Variants in DCAF6 observed in about 807,000 individuals in gnomAD.
DCAF6 encodes the protein DDB1 and CUL4 associated factor 6, also known as DDB1- and CUL4-associated factor 6.
In DCAF6, 54 loss-of-function variants were observed where a neutral mutation model predicts 125.1. The ratio of observed to expected loss-of-function variants is 0.43; its 90% CI spans 0.35 to 0.54. The LOEUF is 0.54. DCAF6 is among the 20% of genes least tolerant of loss of function. The probability of loss-of-function intolerance (pLI) is 0.01; values close to 1 mark genes in which losing one functional copy is unlikely to be tolerated. For synonymous variants in DCAF6, 371 were observed against 390.4 expected, an observed-to-expected ratio of 0.95 and a Z score of 0.58; for missense variants, 934 against 1,161.7, an observed-to-expected ratio of 0.80 and a Z score of 2.85.
chr1:167,987,501 A>G lies in DCAF6; in HGVS notation c.445A>G (p.Thr149Ala), dbSNP rs1008583299. 8 of 1,542,362 alleles carry G rather than the reference A, an allele frequency of 5.2e-6. No homozygotes were observed. Among genetic ancestry groups the G allele is most frequent in the African/African-American group, 1.4e-5 (1 of 73,590 alleles). ...CHYGTTYEIM[T>A]VPNDPYTFLS... ...CTTTTCTTTTCATCTTCAGATTATG[A>G]CTGTACCCAATGACCCTTACACTTT... Residue 149 changes from threonine (T) to alanine (A), a missense_variant, in exon 5 of 22, where the codon ACT becomes GCT. Thr to Ala is a moderately conservative substitution (Grantham distance 58). Coordinates refer to ENST00000367840, the MANE Select transcript of DCAF6 (RefSeq NM_001198956.2).
chr1:167,961,893 T>C (rs1373498252), intron 2 of DCAF6, among the ~76,000 whole-genome samples: 1 of 152,260 alleles, frequency 6.6e-6, no homozygotes, highest in African/African-American at 2.4e-5. Flanking sequence ...TCACAGATTT[T>C]AATTAGTCTT....
rs983496723 is a variant in DCAF6 at position 168,044,764 on chromosome 1, T to C, written c.1930+93T>C. The C allele has an allele frequency of 3.6e-6, 5 of 1,403,772 alleles. No individual in the cohort carries two copies. In the African/African-American group the frequency reaches 7.2e-5, roughly 20 times the overall value. The allele number at this position is 1,403,772 out of a possible 1,614,324, so 87.0% of individuals were successfully genotyped here. On this transcript the variant is annotated intron_variant, in intron 15 of 21. Coordinates refer to ENST00000367840, the MANE Select transcript of DCAF6 (RefSeq NM_001198956.2). ...TCTATAGTTAGAGGCCATGTTCAAGTGTATTGTGGAAGTTTCCTCCCCTTA... is the reference window on the plus strand; with the variant it reads ...TCTATAGTTAGAGGCCATGTTCAAGCGTATTGTGGAAGTTTCCTCCCCTTA...
rs1439253128 is a variant in DCAF6 at position 167,987,523 on chromosome 1, C to T, written c.467C>T (p.Thr156Ile). ...ATGACTGTACCCAATGACCCTTACA[C>T]TTTTCTCTCTTGTGGTGAAGATGGA... is the stretch of plus-strand genomic sequence containing the variant. ...EIMTVPNDPY[T>I]FLSCGEDGTV... The change falls in exon 5 of 22, where the codon ACT (threonine) becomes ATT (isoleucine). Residue 156 changes from threonine (T) to isoleucine (I), a missense_variant. Thr to Ile is a moderately conservative substitution (Grantham distance 89). Around this residue, in one of 5 missense-constraint regions of DCAF6, gnomAD observed 309 missense variants for 381.2 expected, o/e 0.81. Coordinates refer to ENST00000367840, the MANE Select transcript of DCAF6 (RefSeq NM_001198956.2). The T allele has an allele frequency of 6.2e-7, 1 of 1,602,340 alleles. No homozygotes were observed. The highest frequency in any genetic ancestry group is 2.2e-5 in the East Asian group (1 of 44,718).
chr1:168,016,120 CAG>C (rs1684945721), intron 11 of DCAF6, among the ~76,000 whole-genome samples, 169 bp downstream of exon 11: 1 of 152,154 alleles, frequency 6.6e-6, no homozygotes, highest in South Asian at 2.1e-4. Context: ...GTTAGGGGGA[CAG>C]ATTGGCAGCA....
the DCAF6 span, among the ~76,000 whole-genome samples, chr1:167,886,070 A>T: frequency 6.6e-6 from 1 of 152,228 alleles, no homozygotes; most frequent in Admixed American, 6.5e-5. Context: ...ATGGAAGAAC[A>T]TTCCATGCTC....
intron 1 of DCAF6, among the ~76,000 whole-genome samples, chr1:167,944,241 A>G (rs1211051040): frequency 6.6e-6 from 1 of 152,156 alleles, no homozygotes; most frequent in Non-Finnish European, 1.5e-5. Flanking sequence ...GGTTGATTCC[A>G]TATCTTTGCT....
chr1:167,949,569 C>T (rs1673606927), intron 1 of DCAF6, among the ~76,000 whole-genome samples: 1 of 152,202 alleles, frequency 6.6e-6, no homozygotes, highest in Non-Finnish European at 1.5e-5. Flanking sequence ...TCTATCCAGG[C>T]ATCTTCAAGT....
chr1:167,943,113 G>C (rs1283180330), intron 1 of DCAF6, among the ~76,000 whole-genome samples: 4 of 152,108 alleles, frequency 2.6e-5, no homozygotes, highest in Admixed American at 6.6e-5. Context: ...GTTTCACCGC[G>C]TTAGCCAGGA....
At chr1:168,046,172 A>C (rs1201636921) in intron 16 of DCAF6, among the ~76,000 whole-genome samples, 1 of 151,980 alleles carries the variant, frequency 6.6e-6, no homozygotes, top group Non-Finnish European at 1.5e-5. Context: ...TTACTTAATG[A>C]CTCTTAAAGA....
chr1:167,916,090 GT>G, the DCAF6 span, among the ~76,000 whole-genome samples: 1 of 152,222 alleles, frequency 6.6e-6, no homozygotes, highest in Non-Finnish European at 1.5e-5. Flanking sequence ...ACGGAGTTCA[GT>G]AACTGCATTG....
chr1:168,059,413 T>C (rs1691304855), intron 17 of DCAF6, among the ~76,000 whole-genome samples: 1 of 152,256 alleles, frequency 6.6e-6, no homozygotes, highest in Non-Finnish European at 1.5e-5. Flanking sequence ...GTAATTATTA[T>C]AGCTTTTTAG....
intron 2 of DCAF6, among the ~76,000 whole-genome samples, chr1:167,961,027 T>C (rs1392458015): frequency 6.6e-6 from 1 of 152,248 alleles, no homozygotes; most frequent in African/African-American, 2.4e-5. Context: ...ACCAGAGTTT[T>C]ATAATTTTCC....
At chr1:168,033,119 A>G (rs1572025016) in intron 12 of DCAF6, among the ~76,000 whole-genome samples, 1 of 152,268 alleles carries the variant, frequency 6.6e-6, no homozygotes, top group South Asian at 2.1e-4. Flanking sequence ...AAATCATTTC[A>G]CAGCGTGTGC....
intron 1 of DCAF6, among the ~76,000 whole-genome samples, chr1:167,944,097 C>T (rs2102652678): frequency 6.6e-6 from 1 of 152,318 alleles, no homozygotes; most frequent in South Asian, 2.1e-4. Flanking sequence ...CCGCCTCGGC[C>T]TCCCAAAGTG....
the DCAF6 span, among the ~76,000 whole-genome samples, chr1:167,882,695 TGTGTAGTGAGAG>T: frequency 6.6e-6 from 1 of 151,748 alleles, no homozygotes; most frequent in African/African-American, 2.4e-5. Flanking sequence ...TGGAGACTTA[TGTGTAGTGAGAG>T]GTAGCCCAGC....
chr1:168,006,917 A>G (rs1044517896), intron 10 of DCAF6, among the ~76,000 whole-genome samples: 1 of 152,188 alleles, frequency 6.6e-6, no homozygotes, highest in African/African-American at 2.4e-5. Context: ...CTCTTAGTCT[A>G]CAGTGGAATC....
chr1:168,075,438 AACTCTT>A lies in DCAF6; in HGVS notation c.*4_*9del, dbSNP rs1186313870. ...ATGAAAATGAGGATGAGGAATAATA[AACTCTT>A]TTTGGCAAGCACTTAAATGTTCTGA... On this transcript the variant is annotated 3_prime_UTR_variant, in exon 22 of 22. Transcript: ENST00000367840. The A allele has an allele frequency of 6.3e-7, 1 of 1,594,518 alleles. No homozygotes were observed. The highest frequency in any genetic ancestry group is 8.5e-7 in the Non-Finnish European group (1 of 1,174,438).
At chr1:167,982,741 A>G (rs202240) in intron 4 of DCAF6, among the ~76,000 whole-genome samples, 148 of 152,290 alleles carry the variant, frequency 9.7e-4, no homozygotes, top group African/African-American at 3.0e-3. Context: ...CTCAAGTCCA[A>G]TGTCTAGAAT....
chr1:167,948,197 T>C (rs937663959), intron 1 of DCAF6, among the ~76,000 whole-genome samples: 9 of 152,058 alleles, frequency 5.9e-5, no homozygotes, highest in African/African-American at 2.2e-4. Context: ...GGATTCACTC[T>C]TCACTTTGAC....
Sources: allele counts gnomAD v4.1 joint callset (sites outside exome capture counted in the v4.1 genomes callset), GRCh38; gene constraint gnomAD v4.1.1; regional missense constraint gnomAD v4.1.1; transcripts MANE v1.5; gene names NCBI Gene and HGNC (gene_info 2026-07-23, HGNC 2026-07-21).